Variants in SLC39A11 observed in about 807,000 individuals in gnomAD.
SLC39A11 encodes the protein solute carrier family 39 member 11.
Under a neutral mutation model 36.1 loss-of-function variants are expected in SLC39A11, and 33 were observed. That is an observed-to-expected ratio of 0.91 (90% confidence interval 0.69 to 1.22). The LOEUF is 1.22. SLC39A11 is among the 50% of genes most tolerant of loss of function. SLC39A11 has a pLI of 0.00. For missense variants in SLC39A11, 432 were observed against 430.3 expected (o/e 1.00, Z -0.03); for synonymous variants, 166 against 170.3 (o/e 0.97, Z 0.20).
intron 6 of SLC39A11, among the ~76,000 whole-genome samples, chr17:72,843,920 G>A (rs577245649): frequency 6.6e-6 from 1 of 151,966 alleles, no homozygotes; most frequent in African/African-American, 2.4e-5. Context: ...CGGGAGATAG[G>A]CTACTATTAA....
chr17:73,091,289 G>A (rs935397193), intron 1 of SLC39A11, among the ~76,000 whole-genome samples: 11 of 151,794 alleles, frequency 7.2e-5, no homozygotes, highest in African/African-American at 2.4e-4. Flanking sequence ...TTACTTGGGC[G>A]TCGTGGTGTG....
intron 6 of SLC39A11, among the ~76,000 whole-genome samples, chr17:72,742,185 AGT>A (rs2074737641): frequency 7.6e-6 from 1 of 131,854 alleles, no homozygotes; most frequent in Non-Finnish European, 1.6e-5. Flanking sequence ...CCTGGGCGAC[AGT>A]GTGAGACTCC....
intron 6 of SLC39A11, among the ~76,000 whole-genome samples, chr17:72,845,095 G>A (rs1423114430): frequency 6.6e-6 from 1 of 152,198 alleles, no homozygotes. Flanking sequence ...GGATTCTGCA[G>A]TGGCCTCTAC....
chr17:72,922,027 T>A (rs1300224620), intron 5 of SLC39A11, among the ~76,000 whole-genome samples: 1 of 152,204 alleles, frequency 6.6e-6, no homozygotes, highest in Non-Finnish European at 1.5e-5. Flanking sequence ...AAAGCCAGAA[T>A]TCCAAGGTGA....
chr17:72,763,136 C>T (rs948037184), intron 6 of SLC39A11, among the ~76,000 whole-genome samples: 6 of 152,284 alleles, frequency 3.9e-5, no homozygotes, highest in East Asian at 1.9e-4. Flanking sequence ...AGGAGAAGCT[C>T]CCAACAGGAT....
chr17:72,726,836 A>T (rs552768088), intron 7 of SLC39A11, among the ~76,000 whole-genome samples: 1 of 152,304 alleles, frequency 6.6e-6, no homozygotes, highest in East Asian at 1.9e-4. Context: ...ATTGGTTTTG[A>T]TGCCTCCATG....
At chr17:73,024,133 T>A (rs1006111269) in intron 4 of SLC39A11, among the ~76,000 whole-genome samples, 3 of 152,226 alleles carry the variant, frequency 2.0e-5, no homozygotes, top group African/African-American at 7.2e-5. Flanking sequence ...AACTGCCACC[T>A]TCTTTGGCCT....
chr17:72,733,846 C>T (rs2074323525), intron 7 of SLC39A11, among the ~76,000 whole-genome samples: 1 of 152,126 alleles, frequency 6.6e-6, no homozygotes, highest in Non-Finnish European at 1.5e-5. Flanking sequence ...GTGTATGAAC[C>T]CCATAGCAGG....
intron 5 of SLC39A11, among the ~76,000 whole-genome samples, chr17:72,905,792 C>T (rs542512421): frequency 2.2e-4 from 33 of 151,600 alleles, no homozygotes; most frequent in African/African-American, 4.8e-4. Context: ...CTCGCTCTGT[C>T]GCCCAGGCTA....
At chr17:72,852,593 A>G (rs1213795182) in intron 5 of SLC39A11, among the ~76,000 whole-genome samples, 1 of 152,122 alleles carries the variant, frequency 6.6e-6, no homozygotes, top group Non-Finnish European at 1.5e-5. Context: ...GCATGTGTGC[A>G]TGTGTATGTG....
At chr17:72,663,002 T>G (rs2070545639) in intron 7 of SLC39A11, among the ~76,000 whole-genome samples, 1 of 152,166 alleles carries the variant, frequency 6.6e-6, no homozygotes, top group South Asian at 2.1e-4. Flanking sequence ...TGTGTGGCAA[T>G]AAGAATGAAA....
intron 5 of SLC39A11, among the ~76,000 whole-genome samples, chr17:72,852,095 G>A (rs900016512): frequency 1.3e-5 from 2 of 150,806 alleles, no homozygotes; most frequent in African/African-American, 4.9e-5. Flanking sequence ...CAGCTATTCG[G>A]GAGGCTGAGT....
intron 6 of SLC39A11, among the ~76,000 whole-genome samples, chr17:72,779,261 T>C (rs2076228847): frequency 1.3e-5 from 2 of 151,978 alleles, no homozygotes; most frequent in Admixed American, 1.3e-4. Flanking sequence ...CTGGCCAACA[T>C]GGTGAAACCC....
intron 6 of SLC39A11, among the ~76,000 whole-genome samples, chr17:72,828,679 C>G (rs11870239): frequency 0.39 from 58,959 of 152,046 alleles, 12,580 homozygotes; most frequent in Non-Finnish European, 0.48. Context: ...ACCTGTGGGC[C>G]ATGGGTGCCC....
intron 4 of SLC39A11, among the ~76,000 whole-genome samples, chr17:72,995,826 G>A (rs1598768911): frequency 6.6e-6 from 1 of 152,236 alleles, no homozygotes; most frequent in Middle Eastern, 3.4e-3. Context: ...CTCCATAACT[G>A]TGCAAACCAA....
chr17:72,848,337 A>G (rs1567816568), intron 6 of SLC39A11, among the ~76,000 whole-genome samples: 1 of 152,234 alleles, frequency 6.6e-6, no homozygotes, highest in Non-Finnish European at 1.5e-5. Flanking sequence ...CCTATGCTTA[A>G]TCATGTTTTC....
intron 4 of SLC39A11, among the ~76,000 whole-genome samples, chr17:72,982,868 T>G (rs1256446236): frequency 3.3e-5 from 5 of 152,164 alleles, no homozygotes; most frequent in Non-Finnish European, 7.4e-5. Flanking sequence ...AACAACTGAC[T>G]CAGGTTGCAC....
chr17:72,776,076 C>T (rs896549886), intron 6 of SLC39A11, among the ~76,000 whole-genome samples: 1 of 152,234 alleles, frequency 6.6e-6, no homozygotes, highest in African/African-American at 2.4e-5. Context: ...GGCAGACCCC[C>T]TGCTTGGGGG....
At chr17:72,716,432 C>T (rs181123843) in intron 7 of SLC39A11, among the ~76,000 whole-genome samples, 5 of 151,746 alleles carry the variant, frequency 3.3e-5, no homozygotes, top group African/African-American at 7.3e-5. Context: ...CCCTTTCTTA[C>T]GACAGTTTAA....
Sources: gnomAD v4.1 joint callset for allele counts (sites outside exome capture counted in the v4.1 genomes callset) on GRCh38, gnomAD v4.1.1 for gene constraint, MANE v1.5 for transcripts, NCBI Gene and HGNC (gene_info 2026-07-23, HGNC 2026-07-21) for gene names.